FGR: variants seen among roughly 807,000 people sequenced by gnomAD.
FGR encodes the protein tyrosine-protein kinase Fgr.
Under a neutral mutation model 63.2 loss-of-function variants are expected in FGR, and 26 were observed. The observed-to-expected ratio is 0.41, with a 90% CI of 0.30 to 0.57. The LOEUF (loss-of-function observed/expected upper bound fraction) is 0.57. Among genes scored for constraint, FGR ranks in the 20% least tolerant of loss-of-function variants. The pLI, the probability that FGR is intolerant of heterozygous loss-of-function variation, is 0.27. For missense variants in FGR, 511 were observed against 690.8 expected (o/e 0.74, Z 2.92); for synonymous variants, 286 against 277.7 (o/e 1.03, Z -0.30).
In FGR at chr1:27,613,015, G is replaced by A; in HGVS notation, c.1489C>T (p.Leu497=). 1 of 1,614,236 alleles carries A rather than the reference G, an allele frequency of 6.2e-7. No homozygotes were observed. Among genetic ancestry groups the A allele is most frequent in the Non-Finnish European group, 8.5e-7 (1 of 1,180,036 alleles). Reference sequence around the variant, plus strand: ...AAGGTAGGCCTCTCCTCCGGGTCCAGACGCCAGGTCTGTTCCATGGCCTCG... The same window carrying A: ...AAGGTAGGCCTCTCCTCCGGGTCCAAACGCCAGGTCTGTTCCATGGCCTCG... ...LYEAMEQTWR[L]DPEERPTFEY... is the part of the protein sequence containing the mutation. The change falls in exon 13 of 13, where the codon CTG becomes TTG. Residue 497 remains leucine (L), a synonymous_variant. Transcript: ENST00000374005.
chr1:27,627,572 A>T (rs2090041945), intron 1 of FGR, among the ~76,000 whole-genome samples: 1 of 152,114 alleles, frequency 6.6e-6, no homozygotes, highest in Admixed American at 6.6e-5. Flanking sequence ...ATCTCATTTT[A>T]TCCACACAAC....
Position 27,616,354 on chromosome 1 carries a change from T to C in FGR, c.682+503A>G, listed in dbSNP as rs1190815494. On this transcript the variant is annotated intron_variant, in intron 7 of 12. Coordinates refer to ENST00000374005, the MANE Select transcript of FGR (RefSeq NM_005248.3). This position sits in a 1 kb window ranked among gnomAD's most constrained non-coding sequence, Gnocchi z 4.3. ...ATCGTCTGCTTCATCTTTACTCCAC[T>C]GCCACCGATTTAGTCTGGCCTCCAC... 6.6e-6 allele frequency among the ~76,000 whole-genome samples: 1 copy of C among 152,208 alleles called. No individual in the cohort carries two copies. Among genetic ancestry groups the C allele is most frequent in the Non-Finnish European group, 1.5e-5 (1 of 68,028 alleles).
At chr1:27,623,975 C>CAGGGTGGTG in intron 2 of FGR, 46 bp from the exon 3 acceptor site, 4 of 1,471,544 alleles carry the variant, frequency 2.7e-6, no homozygotes, top group African/African-American at 1.4e-5. Context: ...GCCAGGTGCA[C>CAGGGTGGTG]CACCCTGTGC....
At chr1:27,624,062 C>T in intron 2 of FGR, 133 bp from the exon 3 acceptor site, 1 of 716,364 alleles carries the variant, frequency 1.4e-6, no homozygotes, top group South Asian at 2.0e-5. Context: ...GGGGTCCTCC[C>T]TGTAAGGGAT....
Position 27,616,736 on chromosome 1 carries a change from G to A in FGR, c.682+121C>T. 9.2e-7 allele frequency: 1 copy of A among 1,088,366 alleles called. No homozygotes were observed. The highest frequency in any genetic ancestry group is 2.0e-5 in the Admixed American group (1 of 49,780). The allele number at this position is 1,088,366 out of a possible 1,614,324, so 67.4% of individuals were successfully genotyped here. A position where few individuals can be genotyped will look rare whatever the true frequency, so the allele number is the denominator to read the frequency against. On this transcript the variant is annotated intron_variant, in intron 7 of 12. Transcript: ENST00000374005. The surrounding 1 kb of genome is among the most constrained non-coding windows in gnomAD (Gnocchi z 4.3). ...CCTGGGCTGGCAGACCCCATCCTTG[G>A]GTTCTGGTTTCCGTCTGGCCAATAC... is the stretch of plus-strand genomic sequence containing the variant.
At chr1:27,633,126 A>G (rs2090130203) in intron 1 of FGR, among the ~76,000 whole-genome samples, 2 of 152,150 alleles carry the variant, frequency 1.3e-5, no homozygotes, top group South Asian at 4.1e-4. Context: ...TGGAACAGGA[A>G]GTAGTCATGA....
intron 5 of FGR, among the ~76,000 whole-genome samples, chr1:27,621,117 A>G (rs749665713): frequency 6.6e-6 from 1 of 151,964 alleles, no homozygotes; most frequent in Non-Finnish European, 1.5e-5. Flanking sequence ...GCTCCCTTGC[A>G]CTTTTTCAGC....
rs2231879 is a variant in FGR at position 27,615,665 on chromosome 1, T to C, written c.838+24A>G. On this transcript the variant is annotated intron_variant, in intron 8 of 12. Coordinates refer to ENST00000374005, the MANE Select transcript of FGR (RefSeq NM_005248.3). The surrounding 1 kb of genome is among the most constrained non-coding windows in gnomAD (Gnocchi z 7.6). Reference sequence around the variant, plus strand: ...CCTCTCCCCCGAGCCCAGGCCCTCGTCCCGGCCCCCGGGAGCTCCGTACCC... The same window carrying C: ...CCTCTCCCCCGAGCCCAGGCCCTCGCCCCGGCCCCCGGGAGCTCCGTACCC... 0.041 allele frequency: 64,539 copies of C among 1,592,486 alleles called. 9,963 individuals carry two copies. The African/African-American group carries it at 0.5, about 12-fold the overall frequency.
chr1:27,612,803 G>T lies in FGR; in HGVS notation c.*111C>A, dbSNP rs2089719274. ...GTGTCAGAGCAGCCACGTCCTCGGTGATGCTAGGACTCTATGGGGTTCTAA... is the reference window on the plus strand; with the variant it reads ...GTGTCAGAGCAGCCACGTCCTCGGTTATGCTAGGACTCTATGGGGTTCTAA... On this transcript the variant is annotated 3_prime_UTR_variant, in exon 13 of 13. Transcript: ENST00000374005. The T allele has an allele frequency of 2.0e-6, 2 of 1,001,322 alleles. No homozygotes were observed. Among genetic ancestry groups the T allele is most frequent in the Non-Finnish European group, 2.9e-6 (2 of 681,894 alleles). The allele number at this position is 1,001,322 out of a possible 1,614,324, so 62.0% of individuals were successfully genotyped here.
chr1:27,632,102 C>CCTTT (rs1455591815), intron 1 of FGR, among the ~76,000 whole-genome samples: 3 of 151,330 alleles, frequency 2.0e-5, no homozygotes, highest in African/African-American at 4.9e-5. Context: ...TCATTAACTC[C>CCTTT]CTTTCTTTCT....
intron 4 of FGR, among the ~76,000 whole-genome samples, chr1:27,622,752 C>T (rs1017860157): frequency 3.9e-5 from 6 of 152,160 alleles, no homozygotes; most frequent in Non-Finnish European, 7.3e-5. Context: ...GTGATCCACC[C>T]GCCTTGGCCT....
intron 1 of FGR, among the ~76,000 whole-genome samples, chr1:27,629,048 A>G (rs544442160): frequency 6.6e-6 from 1 of 152,264 alleles, no homozygotes; most frequent in East Asian, 1.9e-4. Flanking sequence ...AGATGGGGAA[A>G]GACAGAAAAA....
Position 27,613,134 on chromosome 1 carries a change from G to T in FGR, c.1382-12C>A. 6.2e-7 allele frequency: 1 copy of T among 1,612,758 alleles called. No homozygotes were observed. Among genetic ancestry groups the T allele is most frequent in the Non-Finnish European group, 8.5e-7 (1 of 1,178,876 alleles). On this transcript the variant is annotated splice_polypyrimidine_tract_variant and intron_variant, in intron 12 of 12. Coordinates refer to ENST00000374005, the MANE Select transcript of FGR (RefSeq NM_005248.3). Reference sequence around the variant, plus strand: ...CCGTTTATTCATGCCTGAAGGATGGGTCTCTGTCAGTCAAAGGGACAGCCA... The same window carrying T: ...CCGTTTATTCATGCCTGAAGGATGGTTCTCTGTCAGTCAAAGGGACAGCCA...
At chr1:27,626,175 G>T in intron 1 of FGR, 1 of 398,678 alleles carries the variant, frequency 2.5e-6, no homozygotes, top group African/African-American at 2.1e-5. Flanking sequence ...GAGCAACAGG[G>T]CAGGAGGTCA....
intron 1 of FGR, among the ~76,000 whole-genome samples, chr1:27,628,603 C>T (rs994592545): frequency 6.6e-6 from 1 of 151,412 alleles, no homozygotes; most frequent in Non-Finnish European, 1.5e-5. Context: ...ATAGAGCTCT[C>T]CTCTATAGGA....
At chr1:27,625,474 G>A (rs1243349331) in intron 1 of FGR, among the ~76,000 whole-genome samples, 1 of 152,214 alleles carries the variant, frequency 6.6e-6, no homozygotes, top group Non-Finnish European at 1.5e-5. Flanking sequence ...ACAAGCCCAA[G>A]CTCACAATAG....
intron 4 of FGR, 57 bp downstream of exon 4, chr1:27,622,985 G>T: frequency 7.9e-7 from 1 of 1,269,634 alleles, no homozygotes; most frequent in Non-Finnish European, 1.2e-6. Context: ...TGGGATTCCT[G>T]TCTGTGTCCT....
In FGR at chr1:27,616,156, G is replaced by C. The variant is rs1205684556; in HGVS notation, c.683-312C>G. On this transcript the variant is annotated intron_variant, in intron 7 of 12. Coordinates refer to ENST00000374005, the MANE Select transcript of FGR (RefSeq NM_005248.3). The surrounding 1 kb of genome is among the most constrained non-coding windows in gnomAD (Gnocchi z 4.3). The stretch of plus-strand genomic sequence containing the variant: ...GGTGGGATTCTCACAGGTGGAAATG[G>C]GGTTGGGATTCCAGGCAAAGGTGTG... Among the ~76,000 whole-genome samples, 20 of 152,142 alleles carry C rather than the reference G, an allele frequency of 1.3e-4. No individual in the cohort carries two copies. Among genetic ancestry groups the C allele is most frequent in the Admixed American group, 1.3e-3 (20 of 15,288 alleles).
At position 27,630,300 on chromosome 1, in the gene FGR, G is replaced by A. The variant is rs188753778; in HGVS notation, c.-77+4765C>T. Reference sequence around the variant, plus strand: ...GATCTCCTGACCTCGTGATCTGCCCGCCTCGGCCTCCCAAAGTGCTGGGAT... The same window carrying A: ...GATCTCCTGACCTCGTGATCTGCCCACCTCGGCCTCCCAAAGTGCTGGGAT... On this transcript the variant is annotated intron_variant, in intron 1 of 12. Transcript: ENST00000374005. 9.4e-3 allele frequency among the ~76,000 whole-genome samples: 1,428 copies of A among 152,212 alleles called. 8 individuals carry two copies. Among genetic ancestry groups the A allele is most frequent in the Middle Eastern group, 0.017 (5 of 294 alleles).
Sources: allele counts gnomAD v4.1 joint callset (sites outside exome capture counted in the v4.1 genomes callset), GRCh38; gene constraint gnomAD v4.1.1; non-coding constraint Gnocchi (gnomAD v3.1); transcripts MANE v1.5; gene names NCBI Gene and HGNC (gene_info 2026-07-23, HGNC 2026-07-21).